The following UBE2F variants were observed in gnomAD, a reference collection of about 807,000 sequenced individuals.
The protein encoded by UBE2F is ubiquitin conjugating enzyme E2 F (putative), also known as NEDD8-conjugating enzyme UBE2F.
UBE2F carries 5 observed loss-of-function variants against 29.6 expected under a neutral mutation model. The ratio of observed to expected loss-of-function variants is 0.17; its 90% confidence interval spans 0.09 to 0.36. The LOEUF is 0.36. Among genes scored for constraint, UBE2F ranks in the 10% least tolerant of loss-of-function variants. The probability of loss-of-function intolerance (pLI) is 1.00; values close to 1 mark genes in which losing one functional copy is unlikely to be tolerated. For synonymous variants in UBE2F, 66 were observed against 81.8 expected (o/e 0.81, Z 1.04); for missense variants, 141 against 228.5 (o/e 0.62, Z 2.47).
At chr2:238,038,545 T>A (rs1443617789) in intron 9 of UBE2F, among the ~76,000 whole-genome samples, 1 of 152,240 alleles carries the variant, frequency 6.6e-6, no homozygotes, top group Non-Finnish European at 1.5e-5. Flanking sequence ...CCTTATCAGA[T>A]AGAAAGTGAT....
intron 4 of UBE2F, among the ~76,000 whole-genome samples, chr2:238,010,762 C>G (rs1184213366): frequency 6.6e-6 from 1 of 152,144 alleles, no homozygotes; most frequent in Non-Finnish European, 1.5e-5. Flanking sequence ...TCTATCCAAC[C>G]TCTCCCAGTA....
rs373677996 is a variant in UBE2F at position 238,034,745 on chromosome 2, C to T, written c.445-1133C>T. Among the ~76,000 whole-genome samples the T allele has an allele frequency of 3.8e-3, 573 of 152,278 alleles. 3 individuals carry two copies. Among genetic ancestry groups the T allele is most frequent in the African/African-American group, 0.013 (556 of 41,548 alleles). On this transcript the variant is annotated intron_variant, in intron 8 of 9. Coordinates refer to ENST00000272930, the MANE Select transcript of UBE2F (RefSeq NM_080678.3). Reference sequence around the variant, plus strand: ...CTATTTTGTAACATTTTAATGGTCACAGCCATATTAATCTCCAGGAACATA... The same window carrying T: ...CTATTTTGTAACATTTTAATGGTCATAGCCATATTAATCTCCAGGAACATA...
At chr2:238,008,032 C>T (rs2063943637) in intron 4 of UBE2F, among the ~76,000 whole-genome samples, 1 of 152,194 alleles carries the variant, frequency 6.6e-6, no homozygotes, top group African/African-American at 2.4e-5. Context: ...CGCCTCACTG[C>T]AGCCTCAACA....
intron 3 of UBE2F, among the ~76,000 whole-genome samples, chr2:237,991,243 C>T (rs2106347542): frequency 6.6e-6 from 1 of 152,302 alleles, no homozygotes; most frequent in South Asian, 2.1e-4. Flanking sequence ...GTAAGCCATG[C>T]TTTCCAAAAG....
At chr2:238,038,557 G>A (rs1370531370) in intron 9 of UBE2F, among the ~76,000 whole-genome samples, 4 of 152,202 alleles carry the variant, frequency 2.6e-5, no homozygotes, top group African/African-American at 9.7e-5. Context: ...GAAAGTGATG[G>A]CAATAGGGGT....
In UBE2F at chr2:237,982,275, C is replaced by G. The variant is rs1278347505; in HGVS notation, c.119-5688C>G. Among the ~76,000 whole-genome samples, 3 of 152,110 alleles carry G rather than the reference C, an allele frequency of 2.0e-5. No homozygotes were observed. The highest frequency in any genetic ancestry group is 4.4e-5 in the Non-Finnish European group (3 of 68,018). On this transcript the variant is annotated intron_variant, in intron 2 of 9. Transcript: ENST00000272930. This position sits in a 1 kb window ranked among gnomAD's most constrained non-coding sequence, Gnocchi z 4.1. ...GTGCCTCTTGCTCCCGCACCCCTAT[C>G]CCCGTAGGAGAAGGGGCCTGGCTCT...
chr2:237,968,259 A>AC (rs991056320), intron 1 of UBE2F, among the ~76,000 whole-genome samples: 10 of 151,566 alleles, frequency 6.6e-5, no homozygotes, highest in Admixed American at 3.3e-4. Context: ...GGGCTTGAGG[A>AC]CCCCCCACCT....
intron 5 of UBE2F, among the ~76,000 whole-genome samples, chr2:238,024,148 A>G (rs1282555985): frequency 6.6e-6 from 1 of 152,266 alleles, no homozygotes; most frequent in East Asian, 1.9e-4. Context: ...GAAAAGAGGC[A>G]TAAACACATG....
intron 6 of UBE2F, chr2:238,029,110 A>G (rs766229785): frequency 6.6e-6 from 1 of 152,024 alleles, no homozygotes; most frequent in Non-Finnish European, 1.5e-5. Flanking sequence ...TTTACAGCTG[A>G]TAGACAGTAA....
chr2:238,002,931 T>TGA (rs2063826843), intron 4 of UBE2F, among the ~76,000 whole-genome samples: 2 of 152,192 alleles, frequency 1.3e-5, no homozygotes, highest in Admixed American at 1.3e-4. Context: ...CATGCCCGGC[T>TGA]GACGCATGAA....
chr2:238,002,424 A>G (rs1234630975), intron 4 of UBE2F, among the ~76,000 whole-genome samples: 3 of 152,170 alleles, frequency 2.0e-5, no homozygotes, highest in African/African-American at 7.2e-5. Context: ...TTTAGTAAAG[A>G]CGAGGTTTCA....
At position 238,040,278 on chromosome 2, in the gene UBE2F, C is replaced by T. The variant is rs1360316069; in HGVS notation, c.508-1010C>T. Among the ~76,000 whole-genome samples, 1 of 152,232 alleles carries T rather than the reference C, an allele frequency of 6.6e-6. No homozygotes were observed. The highest frequency in any genetic ancestry group is 6.5e-5 in the Admixed American group (1 of 15,288). On this transcript the variant is annotated intron_variant, in intron 9 of 9. Coordinates refer to ENST00000272930, the MANE Select transcript of UBE2F (RefSeq NM_080678.3). The surrounding 1 kb of genome is among the most constrained non-coding windows in gnomAD (Gnocchi z 4.4). ...GCAGGATCTCCCTGCAAGAGGGCATCGCGGCAGCAGCGAGGTATACATCGA... is the reference window on the plus strand; with the variant it reads ...GCAGGATCTCCCTGCAAGAGGGCATTGCGGCAGCAGCGAGGTATACATCGA...
intron 4 of UBE2F, among the ~76,000 whole-genome samples, chr2:238,003,175 A>C (rs909789647): frequency 6.6e-6 from 1 of 151,780 alleles, no homozygotes; most frequent in Non-Finnish European, 1.5e-5. Flanking sequence ...AAGGGGGATA[A>C]ATTTGAAGAA....
At chr2:238,006,405 A>G (rs79152585) in intron 4 of UBE2F, among the ~76,000 whole-genome samples, 5,311 of 152,298 alleles carry the variant, frequency 0.035, 284 homozygotes, top group East Asian at 0.2. Flanking sequence ...CGTCCAAACC[A>G]TATCAATTGT....
At chr2:237,980,793 T>G (rs1004876592) in intron 2 of UBE2F, among the ~76,000 whole-genome samples, 1 of 152,136 alleles carries the variant, frequency 6.6e-6, no homozygotes, top group South Asian at 2.1e-4. Flanking sequence ...ACTGAGCTCA[T>G]AGGGCTTGGG....
At chr2:237,995,705 T>C (rs931378122) in intron 4 of UBE2F, among the ~76,000 whole-genome samples, 3 of 152,156 alleles carry the variant, frequency 2.0e-5, no homozygotes, top group African/African-American at 7.2e-5. Flanking sequence ...GGATGGGCTT[T>C]TTCTGTGGAA....
At chr2:238,009,488 C>T (rs370761845) in intron 4 of UBE2F, among the ~76,000 whole-genome samples, 3 of 152,116 alleles carry the variant, frequency 2.0e-5, no homozygotes, top group East Asian at 1.9e-4. Context: ...TGCTGTTAAG[C>T]GCATCCAGTG....
At chr2:238,039,451 A>G (rs1298575177) in intron 9 of UBE2F, among the ~76,000 whole-genome samples, 1 of 152,156 alleles carries the variant, frequency 6.6e-6, no homozygotes, top group African/African-American at 2.4e-5. Context: ...GAGGAATGGA[A>G]TAGTAGGAGC....
At chr2:238,030,653 G>C (rs548110585) in intron 7 of UBE2F, 40 bp downstream of exon 7, 6 of 1,535,102 alleles carry the variant, frequency 3.9e-6, no homozygotes, top group Non-Finnish European at 5.4e-6. Flanking sequence ...AGTTGTCCCT[G>C]TGGTCCTCTC....
Sources: allele counts gnomAD v4.1 joint callset (sites outside exome capture counted in the v4.1 genomes callset), GRCh38; gene constraint gnomAD v4.1.1; non-coding constraint Gnocchi (gnomAD v3.1); transcripts MANE v1.5; gene names NCBI Gene and HGNC (gene_info 2026-07-23, HGNC 2026-07-21).